DPP10: variants seen among roughly 807,000 people sequenced by gnomAD.
The protein encoded by DPP10 is inactive dipeptidyl peptidase 10.
Under a neutral mutation model 120.9 loss-of-function variants are expected in DPP10, and 33 were observed. The ratio of observed to expected loss-of-function variants is 0.27; its 90% CI spans 0.21 to 0.37. The LOEUF is 0.37. Ranked by LOEUF, DPP10 falls within the 10% of genes least tolerant of loss-of-function variation. The pLI, the probability that DPP10 is intolerant of heterozygous loss-of-function variation, is 1.00. For missense variants in DPP10, 816 were observed against 942.8 expected, an observed-to-expected ratio of 0.87 and a Z score of 1.76; for synonymous variants, 337 against 326.1, an observed-to-expected ratio of 1.03 and a Z score of -0.36.
intron 1 of DPP10, among the ~76,000 whole-genome samples, chr2:115,267,123 A>T (rs1559338513): frequency 6.6e-6 from 1 of 152,176 alleles, no homozygotes; most frequent in East Asian, 1.9e-4. Flanking sequence ...TAATGATTAT[A>T]TGCTAGAAGG....
At chr2:115,125,141 A>C (rs1559122846) in intron 1 of DPP10, among the ~76,000 whole-genome samples, 1 of 152,212 alleles carries the variant, frequency 6.6e-6, no homozygotes. Flanking sequence ...AAAGTTGTGC[A>C]TTGCTGAAAG....
At chr2:115,364,023 AAGG>A (rs2064940210) in intron 3 of DPP10, among the ~76,000 whole-genome samples, 3 of 8,120 alleles carry the variant, frequency 3.7e-4, no homozygotes, top group Non-Finnish European at 7.6e-4. Flanking sequence ...GTCATTAAAT[AAGG>A]TAGCAAAGGT....
intron 1 of DPP10, among the ~76,000 whole-genome samples, chr2:114,682,569 A>AATTATTATTATT (rs143088528): frequency 2.1e-4 from 31 of 149,164 alleles, no homozygotes; most frequent in African/African-American, 4.4e-4. Context: ...ATCGATGGGT[A>AATTATTATTATT]ATTATTATTA....
At chr2:115,482,837 A>C (rs1463241153) in intron 3 of DPP10, among the ~76,000 whole-genome samples, 1 of 151,260 alleles carries the variant, frequency 6.6e-6, no homozygotes, top group Non-Finnish European at 1.5e-5. Flanking sequence ...ACATCTTCTT[A>C]TTTTTTCTTT....
chr2:114,881,808 G>A (rs1459781625), intron 1 of DPP10, among the ~76,000 whole-genome samples: 1 of 152,028 alleles, frequency 6.6e-6, no homozygotes, highest in Non-Finnish European at 1.5e-5. Context: ...TGTCACAGTT[G>A]GTACTGGAAA....
intron 1 of DPP10, among the ~76,000 whole-genome samples, chr2:114,940,593 T>C (rs11895719): frequency 0.023 from 3,460 of 152,134 alleles, 147 homozygotes; most frequent in African/African-American, 0.079. Context: ...ATAAGATTCT[T>C]GCGGGTTTGC....
At chr2:114,658,627 T>C (rs1697145077) in intron 1 of DPP10, among the ~76,000 whole-genome samples, 1 of 152,178 alleles carries the variant, frequency 6.6e-6, no homozygotes, top group Non-Finnish European at 1.5e-5. Flanking sequence ...CTTAGACTGT[T>C]GGATCACACA....
chr2:115,800,261 C>T lies in DPP10; in HGVS notation c.1700+8905C>T, dbSNP rs867403699. 4.2e-3 allele frequency among the ~76,000 whole-genome samples: 634 copies of T among 151,716 alleles called. 8 individuals are homozygous for T. Among genetic ancestry groups the T allele is most frequent in the African/African-American group, 0.012 (502 of 41,106 alleles). On this transcript the variant is annotated intron_variant, in intron 19 of 25. Transcript: ENST00000410059. ...TTGAGAAGTGTCTGTTCATGTCCTT[C>T]GCCCACTTTTTGATGGGGTTGTTTG...
chr2:114,724,876 A>G (rs184332942), intron 1 of DPP10, among the ~76,000 whole-genome samples: 17 of 152,324 alleles, frequency 1.1e-4, no homozygotes, highest in Admixed American at 5.9e-4. Flanking sequence ...AAGTTTAGCA[A>G]GAGTGTGGGG....
At chr2:114,901,887 A>G (rs1693601733) in intron 1 of DPP10, among the ~76,000 whole-genome samples, 3 of 152,228 alleles carry the variant, frequency 2.0e-5, no homozygotes, top group African/African-American at 7.2e-5. Flanking sequence ...ACAGCTACCA[A>G]TAAGTGGTGT....
At chr2:114,632,192 G>C (rs1694974170) in intron 1 of DPP10, among the ~76,000 whole-genome samples, 1 of 152,060 alleles carries the variant, frequency 6.6e-6, no homozygotes, top group African/African-American at 2.4e-5. Flanking sequence ...TCTGATATTA[G>C]ATATCTAAGT....
rs190239237 is a variant in DPP10 at position 114,636,247 on chromosome 2, T to A, written c.60+193409T>A. On this transcript the variant is annotated intron_variant, in intron 1 of 25. Transcript: ENST00000410059. Reference sequence around the variant, plus strand: ...TGCAGCAGAACTGCTTTATATAAACTTCCCATTTTGTCACAGAGAATATTA... The same window carrying A: ...TGCAGCAGAACTGCTTTATATAAACATCCCATTTTGTCACAGAGAATATTA... 2.9e-3 allele frequency among the ~76,000 whole-genome samples: 443 copies of A among 152,120 alleles called. 11 individuals carry two copies. Among genetic ancestry groups the A allele is most frequent in the Admixed American group, 0.026 (401 of 15,290 alleles).
At chr2:115,484,149 C>CA (rs1485172231) in intron 3 of DPP10, among the ~76,000 whole-genome samples, 1 of 133,640 alleles carries the variant, frequency 7.5e-6, no homozygotes, top group African/African-American at 3.0e-5. Flanking sequence ...ACCCCCCCCC[C>CA]ACACACAAAC....
intron 1 of DPP10, among the ~76,000 whole-genome samples, chr2:115,002,550 G>A (rs12386235): frequency 0.017 from 2,576 of 151,886 alleles, 64 homozygotes; most frequent in African/African-American, 0.06. Context: ...GCTACTGCTC[G>A]GCAAAATAAA....
intron 10 of DPP10, 54 bp downstream of exon 10, chr2:115,746,237 A>G: frequency 1.4e-6 from 2 of 1,449,048 alleles, no homozygotes; most frequent in African/African-American, 1.4e-5. Flanking sequence ...CACTCCAATT[A>G]TCATTTTGTT....
chr2:115,385,134 CTT>C (rs2066823318), intron 3 of DPP10, among the ~76,000 whole-genome samples: 1 of 152,142 alleles, frequency 6.6e-6, no homozygotes, highest in Non-Finnish European at 1.5e-5. Flanking sequence ...TCAGTTATGT[CTT>C]TATCAGCAAC....
intron 1 of DPP10, among the ~76,000 whole-genome samples, chr2:115,173,851 A>T (rs981144767): frequency 6.6e-6 from 1 of 152,206 alleles, no homozygotes; most frequent in Non-Finnish European, 1.5e-5. Context: ...CTGATAAGGC[A>T]GTTGAGAACG....
intron 1 of DPP10, among the ~76,000 whole-genome samples, chr2:115,255,008 C>T (rs770218119): frequency 2.6e-5 from 4 of 152,186 alleles, no homozygotes; most frequent in Non-Finnish European, 5.9e-5. Context: ...TCTCACAGCT[C>T]CACTAGATAG....
chr2:115,788,618 G>A (rs1476331597), intron 17 of DPP10, among the ~76,000 whole-genome samples: 1 of 152,050 alleles, frequency 6.6e-6, no homozygotes, highest in Non-Finnish European at 1.5e-5. Flanking sequence ...GTAATTTTTT[G>A]CCAGTATATT....
Sources: gnomAD v4.1 joint callset for allele counts (sites outside exome capture counted in the v4.1 genomes callset) on GRCh38, gnomAD v4.1.1 for gene constraint, MANE v1.5 for transcripts, NCBI Gene and HGNC (gene_info 2026-07-23, HGNC 2026-07-21) for gene names.